MYT1L: variants seen among roughly 807,000 people sequenced by gnomAD.
MYT1L encodes the protein myelin transcription factor 1 like.
Under a neutral mutation model 126.7 loss-of-function variants are expected in MYT1L, and 12 were observed. That is an observed-to-expected ratio of 0.09 (90% CI 0.06 to 0.15). The LOEUF is 0.15. Among genes scored for constraint, MYT1L ranks in the 10% least tolerant of loss-of-function variants. MYT1L has a pLI of 1.00. For synonymous variants in MYT1L, 541 were observed against 604.2 expected (o/e 0.90, Z 1.53); for missense variants, 979 against 1,585.2 (o/e 0.62, Z 6.49).
chr2:1,910,378 C>T lies in MYT1L; in HGVS notation c.1710-31G>A. On this transcript the variant is annotated intron_variant, in intron 12 of 24. Coordinates refer to ENST00000647738, the MANE Select transcript of MYT1L (RefSeq NM_001303052.2). The surrounding 1 kb of genome is among the most constrained non-coding windows in gnomAD (Gnocchi z 4.8). Reference sequence around the variant, plus strand: ...ATCACAGAAAGCGGGTTGAATGGTCCCGCCTCAAACACCTTCACAGCACAC... The same window carrying T: ...ATCACAGAAAGCGGGTTGAATGGTCTCGCCTCAAACACCTTCACAGCACAC... The T allele has an allele frequency of 6.4e-7, 1 of 1,565,914 alleles. No homozygotes were observed. The highest frequency in any genetic ancestry group is 1.7e-5 in the Admixed American group (1 of 59,870).
At chr2:2,096,408 T>C (rs1356128514) in intron 3 of MYT1L, among the ~76,000 whole-genome samples, 3 of 152,218 alleles carry the variant, frequency 2.0e-5, no homozygotes, top group Admixed American at 6.5e-5. Flanking sequence ...TTCTTTCTCA[T>C]GGGTGGTCTA....
intron 5 of MYT1L, among the ~76,000 whole-genome samples, chr2:1,989,647 TC>T (rs2061324532): frequency 6.6e-6 from 1 of 152,194 alleles, no homozygotes; most frequent in Admixed American, 6.5e-5. Flanking sequence ...GGGAAACGTT[TC>T]CTACCTATAG....
rs541556968 is a variant in MYT1L at position 2,233,666 on chromosome 2, G to A, written c.-421+50738C>T. 3.3e-5 allele frequency among the ~76,000 whole-genome samples: 5 copies of A among 152,288 alleles called. No homozygotes were observed. In the East Asian group the frequency reaches 5.8e-4, roughly 18 times the overall value. ...GTGAGTGTGGTTGTAACAAGAGAGC[G>A]GAACCAGCCATATCGGCACCATTGT... is the stretch of plus-strand genomic sequence containing the variant. On this transcript the variant is annotated intron_variant, in intron 2 of 24. Coordinates refer to ENST00000647738, the MANE Select transcript of MYT1L (RefSeq NM_001303052.2).
intron 1 of MYT1L, among the ~76,000 whole-genome samples, chr2:2,321,574 CTT>C (rs2096167132): frequency 6.6e-6 from 1 of 152,054 alleles, no homozygotes; most frequent in South Asian, 2.1e-4. Flanking sequence ...GTGATGCCGA[CTT>C]TTGAAAAACC....
chr2:2,244,735 C>T (rs1329323812), intron 2 of MYT1L, among the ~76,000 whole-genome samples: 2 of 152,142 alleles, frequency 1.3e-5, no homozygotes, highest in South Asian at 2.1e-4. Context: ...TAAGATGTGG[C>T]CCTTGGCAAG....
chr2:2,118,708 T>C (rs2080553652), intron 3 of MYT1L, among the ~76,000 whole-genome samples: 1 of 152,260 alleles, frequency 6.6e-6, no homozygotes, highest in Non-Finnish European at 1.5e-5. Context: ...TTGGATTTTT[T>C]TTCAGTGAAA....
chr2:1,838,872 A>G (rs965370034), intron 21 of MYT1L, among the ~76,000 whole-genome samples: 12 of 152,148 alleles, frequency 7.9e-5, no homozygotes, highest in African/African-American at 2.4e-4. Context: ...ATGAAAATCT[A>G]TATCTTACTG....
intron 9 of MYT1L, among the ~76,000 whole-genome samples, chr2:1,942,678 C>T (rs1414181034): frequency 6.6e-6 from 1 of 152,186 alleles, no homozygotes; most frequent in East Asian, 1.9e-4. Context: ...ACCAGGTCGG[C>T]TAACTTAACT....
intron 2 of MYT1L, among the ~76,000 whole-genome samples, chr2:2,194,069 A>G (rs1188666303): frequency 6.6e-6 from 1 of 151,942 alleles, no homozygotes; most frequent in Non-Finnish European, 1.5e-5. Context: ...GTTATTTTAT[A>G]GCTATTATTC....
intron 3 of MYT1L, among the ~76,000 whole-genome samples, chr2:2,163,248 G>A (rs957987278): frequency 5.3e-5 from 8 of 152,144 alleles, no homozygotes; most frequent in South Asian, 2.1e-4. Context: ...TTCGAGACCC[G>A]AGGTGGGGGC....
intron 21 of MYT1L, among the ~76,000 whole-genome samples, chr2:1,831,810 CGT>C (rs1441251012): frequency 6.6e-6 from 1 of 151,930 alleles, no homozygotes; most frequent in Non-Finnish European, 1.5e-5. Flanking sequence ...TGTCACAAAA[CGT>C]GTGTGTCTCC....
chr2:2,006,811 A>T (rs908887877), intron 4 of MYT1L, among the ~76,000 whole-genome samples: 10 of 151,960 alleles, frequency 6.6e-5, no homozygotes, highest in African/African-American at 2.4e-4. Context: ...CCTGAGCTCA[A>T]ATGATCCACC....
intron 2 of MYT1L, among the ~76,000 whole-genome samples, chr2:2,182,335 T>TTG: frequency 6.6e-6 from 1 of 152,312 alleles, no homozygotes; most frequent in East Asian, 1.9e-4. Flanking sequence ...ACTTGAACAC[T>TTG]TTTTTAAAAG....
intron 4 of MYT1L, among the ~76,000 whole-genome samples, chr2:2,011,756 C>G (rs2149763926): frequency 6.6e-6 from 1 of 152,110 alleles, no homozygotes; most frequent in Admixed American, 6.5e-5. Context: ...TGCAAAAAAC[C>G]CTAAACACAC....
intron 3 of MYT1L, among the ~76,000 whole-genome samples, chr2:2,088,541 G>T (rs987176444): frequency 1.3e-5 from 2 of 152,106 alleles, no homozygotes; most frequent in African/African-American, 2.4e-5. Flanking sequence ...GGCACTGGTG[G>T]TGGATGAGGC....
At chr2:2,120,384 G>T (rs1575306705) in intron 3 of MYT1L, among the ~76,000 whole-genome samples, 1 of 152,056 alleles carries the variant, frequency 6.6e-6, no homozygotes, top group African/African-American at 2.4e-5. Flanking sequence ...ATAATGTGAT[G>T]ACTATAACTT....
chr2:2,105,000 G>T (rs1473050784), intron 3 of MYT1L, among the ~76,000 whole-genome samples: 1 of 152,198 alleles, frequency 6.6e-6, no homozygotes, highest in African/African-American at 2.4e-5. Flanking sequence ...GAAAATAATA[G>T]ATTGGATCAT....
intron 3 of MYT1L, among the ~76,000 whole-genome samples, chr2:2,152,733 G>A (rs2086018127): frequency 6.6e-6 from 1 of 152,194 alleles, no homozygotes; most frequent in African/African-American, 2.4e-5. Context: ...TTCTACTGGT[G>A]ATGAGAAGGC....
At chr2:2,122,504 G>A (rs2081164911) in intron 3 of MYT1L, among the ~76,000 whole-genome samples, 2 of 152,128 alleles carry the variant, frequency 1.3e-5, no homozygotes, top group African/African-American at 4.8e-5. Context: ...TGTAATGGCC[G>A]GCGTAGGCAC....
Sources: gnomAD v4.1 joint callset for allele counts (sites outside exome capture counted in the v4.1 genomes callset) on GRCh38, gnomAD v4.1.1 for gene constraint, Gnocchi (gnomAD v3.1) non-coding constraint, MANE v1.5 for transcripts, NCBI Gene and HGNC (gene_info 2026-07-23, HGNC 2026-07-21) for gene names.